The following ANKH variants were observed in gnomAD, a reference collection of about 807,000 sequenced individuals.
ANKH encodes the protein mineralization regulator ANKH.
In ANKH, 15 loss-of-function variants were observed where a neutral mutation model predicts 49.0. That is an observed-to-expected ratio of 0.31 (90% confidence interval 0.20 to 0.47). The LOEUF is 0.47. Ranked by LOEUF, ANKH falls within the 20% of genes least tolerant of loss-of-function variation. ANKH has a pLI of 1.00. For missense variants in ANKH, 429 were observed against 652.0 expected (o/e 0.66, Z 3.72); for synonymous variants, 273 against 260.0 (o/e 1.05, Z -0.48).
chr5:14,804,797 G>A (rs1740657671), intron 1 of ANKH, among the ~76,000 whole-genome samples: 1 of 152,194 alleles, frequency 6.6e-6, no homozygotes, highest in Non-Finnish European at 1.5e-5. Flanking sequence ...GAGACTGGAT[G>A]GGGAATCCCC....
chr5:14,751,443 T>C (rs1738714717), intron 4 of ANKH, among the ~76,000 whole-genome samples: 1 of 152,232 alleles, frequency 6.6e-6, no homozygotes, highest in Non-Finnish European at 1.5e-5. Context: ...TGGAGGAACA[T>C]GGATCATTTT....
chr5:14,770,801 C>T lies in ANKH; in HGVS notation c.97-1610G>A, dbSNP rs1739407263. ...AATGTAGTTTACATTAGGGCTTACT[C>T]TTGGTATATTGTACATTCTGTGGAT... On this transcript the variant is annotated intron_variant, in intron 1 of 11. Coordinates refer to ENST00000284268, the MANE Select transcript of ANKH (RefSeq NM_054027.6). This position sits in a 1 kb window ranked among gnomAD's most constrained non-coding sequence, Gnocchi z 4.1. 6.6e-6 allele frequency among the ~76,000 whole-genome samples: 1 copy of T among 152,162 alleles called. No individual in the cohort carries two copies. Among genetic ancestry groups the T allele is most frequent in the Non-Finnish European group, 1.5e-5 (1 of 68,028 alleles).
At chr5:14,742,346 A>G (rs1738387742) in intron 7 of ANKH, among the ~76,000 whole-genome samples, 1 of 152,004 alleles carries the variant, frequency 6.6e-6, no homozygotes, top group Admixed American at 6.6e-5. Context: ...TCTCTACCAA[A>G]TGGACTATAA....
At chr5:14,813,709 A>G (rs556086835) in intron 1 of ANKH, among the ~76,000 whole-genome samples, 4 of 152,236 alleles carry the variant, frequency 2.6e-5, no homozygotes, top group Middle Eastern at 3.4e-3. Context: ...ACAGCCATCA[A>G]TCCAGCTCCA....
At chr5:14,720,575 A>G (rs1195791576) in intron 8 of ANKH, among the ~76,000 whole-genome samples, 1 of 152,208 alleles carries the variant, frequency 6.6e-6, no homozygotes, top group Non-Finnish European at 1.5e-5. Context: ...TGGGCCCCCA[A>G]TATGTCCCAT....
At chr5:14,792,907 T>C (rs1313741110) in intron 1 of ANKH, among the ~76,000 whole-genome samples, 2 of 145,410 alleles carry the variant, frequency 1.4e-5, no homozygotes, top group African/African-American at 5.1e-5. Flanking sequence ...AACCTGGGAG[T>C]TGCAGGTTGC....
rs962733675 is a variant in ANKH, at chr5:14,709,676, A to T, written c.*1521T>A. On this transcript the variant is annotated 3_prime_UTR_variant, in exon 12 of 12. Coordinates refer to ENST00000284268, the MANE Select transcript of ANKH (RefSeq NM_054027.6). ...ATTTATTCCCCAGTTACCCATAATG[A>T]AAAATAGTTCTGTCATTTACTGAGC... The T allele has an allele frequency of 2.0e-5, 3 of 152,612 alleles. No homozygotes were observed. The highest frequency in any genetic ancestry group is 2.0e-4 in the Admixed American group (3 of 15,284). The allele number at this position is 152,612 out of a possible 1,614,324, so 9.5% of individuals were successfully genotyped here.
At chr5:14,761,394 A>G (rs1739073745) in intron 2 of ANKH, among the ~76,000 whole-genome samples, 3 of 152,170 alleles carry the variant, frequency 2.0e-5, no homozygotes, top group Admixed American at 6.5e-5. Flanking sequence ...ATCAGATGGG[A>G]CATGTGAGTT....
Position 14,713,435 on chromosome 5 carries a change from G to T in ANKH, c.1265+109C>A. 1 of 1,464,808 alleles carries T rather than the reference G, an allele frequency of 6.8e-7. No homozygotes were observed. Among genetic ancestry groups the T allele is most frequent in the Non-Finnish European group, 9.4e-7 (1 of 1,066,360 alleles). The allele number at this position is 1,464,808 out of a possible 1,614,324, so 90.7% of individuals were successfully genotyped here. A position where few individuals can be genotyped will look rare whatever the true frequency, so the allele number is the denominator to read the frequency against. Reference sequence around the variant, plus strand: ...ACACAAAACATCATTCTGAATTTCCGATTCTAGACGTGCCTGGGGATTTCC... The same window carrying T: ...ACACAAAACATCATTCTGAATTTCCTATTCTAGACGTGCCTGGGGATTTCC... On this transcript the variant is annotated intron_variant, in intron 10 of 11. Coordinates refer to ENST00000284268, the MANE Select transcript of ANKH (RefSeq NM_054027.6). The surrounding 1 kb of genome is among the most constrained non-coding windows in gnomAD (Gnocchi z 4.4).
In ANKH at chr5:14,725,236, A is replaced by G. The variant is rs777789297; in HGVS notation, c.1012-8401T>C. Among the ~76,000 whole-genome samples the G allele has an allele frequency of 6.6e-6, 1 of 152,170 alleles. No individual in the cohort carries two copies. Among genetic ancestry groups the G allele is most frequent in the Non-Finnish European group, 1.5e-5 (1 of 68,028 alleles). On this transcript the variant is annotated intron_variant, in intron 8 of 11. Transcript: ENST00000284268. This position sits in a 1 kb window ranked among gnomAD's most constrained non-coding sequence, Gnocchi z 4.0. ...TGAGTTCCCTGAGCACTCCAGCCTC[A>G]GCTCTCTTCTTTCAAACGGGGATGG... is the stretch of plus-strand genomic sequence containing the variant.
At position 14,728,979 on chromosome 5, in the gene ANKH, A is replaced by G. The variant is rs371982958; in HGVS notation, c.1012-12144T>C. Among the ~76,000 whole-genome samples, 63 of 152,334 alleles carry G rather than the reference A, an allele frequency of 4.1e-4. 1 individual carries two copies. The South Asian group carries it at 0.011, about 27-fold the overall frequency. On this transcript the variant is annotated intron_variant, in intron 8 of 11. Transcript: ENST00000284268. Reference sequence around the variant, plus strand: ...TCTCCACTACACATGGACAGTAGGTAGAAATGGGAGTGGAGGAGCCCATCC... The same window carrying G: ...TCTCCACTACACATGGACAGTAGGTGGAAATGGGAGTGGAGGAGCCCATCC...
rs1451791435 is a variant in ANKH, at chr5:14,713,379, C to T, written c.1265+165G>A. 6.6e-6 allele frequency among the ~76,000 whole-genome samples: 1 copy of T among 152,160 alleles called. No homozygotes were observed. The highest frequency in any genetic ancestry group is 1.5e-5 in the Non-Finnish European group (1 of 68,024). ...CAAAAGCACTTTTCTAAAATGGATC[C>T]CAAGAGCCTCCACCTGGTGCCTGGG... On this transcript the variant is annotated intron_variant, in intron 10 of 11. Coordinates refer to ENST00000284268, the MANE Select transcript of ANKH (RefSeq NM_054027.6). The surrounding 1 kb of genome is among the most constrained non-coding windows in gnomAD (Gnocchi z 4.4).
intron 1 of ANKH, among the ~76,000 whole-genome samples, chr5:14,823,706 C>A (rs1741259402): frequency 6.6e-6 from 1 of 152,316 alleles, no homozygotes; most frequent in East Asian, 1.9e-4. Flanking sequence ...GCGGGTGGAT[C>A]ACCTGAGGTC....
chr5:14,852,695 T>A (rs112260950), intron 1 of ANKH, among the ~76,000 whole-genome samples: 1 of 152,120 alleles, frequency 6.6e-6, no homozygotes. Flanking sequence ...GCCACTACTA[T>A]ACTTTAAATT....
intron 6 of ANKH, among the ~76,000 whole-genome samples, chr5:14,747,788 G>A (rs577318498): frequency 3.3e-5 from 5 of 152,274 alleles, no homozygotes; most frequent in African/African-American, 9.6e-5. Flanking sequence ...GTGGTGTGGC[G>A]TGCTGTGCTA....
intron 3 of ANKH, among the ~76,000 whole-genome samples, chr5:14,757,428 ATATTTTTT>A (rs1561041038): frequency 3.1e-5 from 4 of 128,094 alleles, no homozygotes; most frequent in Admixed American, 1.6e-4. Context: ...ATATATATAT[ATATTTTTT>A]TTTTTTTTTT....
At position 14,709,078 on chromosome 5, in the gene ANKH, G is replaced by GAGAC. The variant is rs1737058785; in HGVS notation, c.*2115_*2118dup. 1 of 152,120 alleles carries GAGAC rather than the reference G, an allele frequency of 6.6e-6. No homozygotes were observed. Among genetic ancestry groups the GAGAC allele is most frequent in the African/African-American group, 2.4e-5 (1 of 41,398 alleles). 9.4% of individuals were successfully genotyped at this position (152,120 alleles called of 1,614,324 possible). ...CCAGCTAATTTTTATGTTTTTAGTAGAGACAGGGTTTTGCCATGTTGGCCA... is the reference window on the plus strand; with the variant it reads ...CCAGCTAATTTTTATGTTTTTAGTAGAGACAGACAGGGTTTTGCCATGTTGGCCA... On this transcript the variant is annotated 3_prime_UTR_variant, in exon 12 of 12. Transcript: ENST00000284268.
chr5:14,847,567 T>C (rs2126617164), intron 1 of ANKH, among the ~76,000 whole-genome samples: 1 of 152,324 alleles, frequency 6.6e-6, no homozygotes, highest in South Asian at 2.1e-4. Context: ...GCCTGGTCCT[T>C]CTAGCTGTCC....
At chr5:14,773,983 T>C (rs893339300) in intron 1 of ANKH, among the ~76,000 whole-genome samples, 1 of 152,240 alleles carries the variant, frequency 6.6e-6, no homozygotes, top group African/African-American at 2.4e-5. Context: ...ATGTTTTTAA[T>C]GACCACATTA....
Sources: allele counts gnomAD v4.1 joint callset (sites outside exome capture counted in the v4.1 genomes callset), GRCh38; gene constraint gnomAD v4.1.1; non-coding constraint Gnocchi (gnomAD v3.1); transcripts MANE v1.5; gene names NCBI Gene and HGNC (gene_info 2026-07-23, HGNC 2026-07-21).